GRID1: variants seen among roughly 807,000 people sequenced by gnomAD.
GRID1 encodes glutamate ionotropic receptor delta type subunit 1, also known as glutamate receptor ionotropic, delta-1.
GRID1 carries 28 observed loss-of-function variants against 98.0 expected under a neutral mutation model. The observed-to-expected ratio is 0.29, with a 90% CI of 0.21 to 0.39. The LOEUF is 0.39. Ranked by LOEUF, GRID1 falls within the 10% of genes least tolerant of loss-of-function variation. GRID1 has a pLI of 1.00. For missense variants in GRID1, 1,111 were observed against 1,340.5 expected, an observed-to-expected ratio of 0.83 and a Z score of 2.67; for synonymous variants, 553 against 538.5, an observed-to-expected ratio of 1.03 and a Z score of -0.37.
intron 4 of GRID1, among the ~76,000 whole-genome samples, chr10:85,932,532 A>C (rs1345689722): frequency 6.6e-6 from 1 of 152,130 alleles, no homozygotes; most frequent in Admixed American, 6.6e-5. Context: ...TTTTCCAAAA[A>C]CTGGCCCCAA....
chr10:85,724,509 G>T lies in GRID1; in HGVS notation c.1701C>A (p.Ala567=), dbSNP rs61742018. The stretch of plus-strand genomic sequence containing the variant: ...CCACAGGGATGGCTGCTGCAATGCA[G>T]GCCCACACAGCGAAATCAAATGGAG... ...LFAPFDFAVW[A]CIAAAIPVVG... is the part of the protein sequence containing the mutation. The change falls in exon 11 of 16, where the codon GCC becomes GCA. Residue 567 remains alanine, a synonymous_variant. Transcript: ENST00000327946. 1 of 1,614,082 alleles carries T rather than the reference G, an allele frequency of 6.2e-7. No individual in the cohort carries two copies. Among genetic ancestry groups the T allele is most frequent in the Non-Finnish European group, 8.5e-7 (1 of 1,180,018 alleles).
chr10:86,366,389 C>T lies in GRID1; in HGVS notation c.4G>A (p.Glu2Lys), dbSNP rs773228447. The T allele has an allele frequency of 2.7e-6, 4 of 1,503,292 alleles. No individual in the cohort carries two copies. Among genetic ancestry groups the T allele is most frequent in the East Asian group, 5.5e-5 (2 of 36,158 alleles). 93.1% of individuals were successfully genotyped at this position (1,503,292 alleles called of 1,614,324 possible). A position where few individuals can be genotyped will look rare whatever the true frequency, so the allele number is the denominator to read the frequency against. Reference protein sequence around the residue: MEALTLWLLPWI... With the variant: MKALTLWLLPWI... ...GGGAGAAGCCACAGCGTCAGCGCTT[C>T]CATGTCCCCCGGGCGCGCGGCTCAT... is the stretch of plus-strand genomic sequence containing the variant. The change falls in exon 1 of 16, where the codon GAA becomes AAA. Residue 2 changes from glutamate to lysine, a missense_variant. Physicochemically the swap from Glu to Lys is moderately conservative, Grantham distance 56. Transcript: ENST00000327946. This position sits in a 1 kb window ranked among gnomAD's most constrained non-coding sequence, Gnocchi z 4.1.
At chr10:85,850,303 C>T (rs1310957910) in intron 8 of GRID1, among the ~76,000 whole-genome samples, 1 of 152,188 alleles carries the variant, frequency 6.6e-6, no homozygotes, top group Admixed American at 6.5e-5. Context: ...ATAACTAGTG[C>T]TCCTATCCAG....
chr10:85,877,710 G>A (rs1388965613), intron 5 of GRID1, among the ~76,000 whole-genome samples: 1 of 152,232 alleles, frequency 6.6e-6, no homozygotes, highest in Non-Finnish European at 1.5e-5. Context: ...AAAAAGCAGA[G>A]CACCTCTCCT....
In GRID1 at chr10:86,206,324, T is replaced by C; in HGVS notation, c.520+40A>G. The C allele has an allele frequency of 6.4e-7, 1 of 1,558,820 alleles. No individual in the cohort carries two copies. Among genetic ancestry groups the C allele is most frequent in the South Asian group, 1.2e-5 (1 of 81,636 alleles). Reference sequence around the variant, plus strand: ...AGGTCTCCCAGCATCTGGCCATCCCTGTCCCCAAGCAGCCCCAGCTCGCCT... The same window carrying C: ...AGGTCTCCCAGCATCTGGCCATCCCCGTCCCCAAGCAGCCCCAGCTCGCCT... On this transcript the variant is annotated intron_variant, in intron 3 of 15. Transcript: ENST00000327946. The surrounding 1 kb of genome is among the most constrained non-coding windows in gnomAD (Gnocchi z 4.1).
chr10:86,358,486 C>T (rs187240247), intron 2 of GRID1, among the ~76,000 whole-genome samples: 24 of 152,120 alleles, frequency 1.6e-4, no homozygotes, highest in African/African-American at 5.8e-4. Context: ...GGGCCGGGCA[C>T]GGTGGCTCAC....
At chr10:85,962,136 T>G (rs1842276202) in intron 4 of GRID1, among the ~76,000 whole-genome samples, 1 of 152,160 alleles carries the variant, frequency 6.6e-6, no homozygotes. Flanking sequence ...TCAGGCCTCC[T>G]CACTGGTCTG....
chr10:85,680,924 A>G (rs2132596423), intron 12 of GRID1, among the ~76,000 whole-genome samples: 1 of 152,278 alleles, frequency 6.6e-6, no homozygotes, highest in Middle Eastern at 3.4e-3. Context: ...TACAAGTGAG[A>G]GCTAAATAGT....
intron 6 of GRID1, among the ~76,000 whole-genome samples, chr10:85,868,414 C>A (rs892964022): frequency 6.6e-5 from 10 of 152,184 alleles, no homozygotes; most frequent in African/African-American, 2.4e-4. Flanking sequence ...CTAGTGCCGA[C>A]TGCACATACT....
At chr10:86,058,220 C>T (rs770038136) in intron 4 of GRID1, among the ~76,000 whole-genome samples, 3 of 152,130 alleles carry the variant, frequency 2.0e-5, no homozygotes, top group Non-Finnish European at 4.4e-5. Flanking sequence ...AAGCAAGAGG[C>T]TGGATGGAAC....
At chr10:86,089,836 T>A (rs1311685446) in intron 4 of GRID1, among the ~76,000 whole-genome samples, 1 of 151,788 alleles carries the variant, frequency 6.6e-6, no homozygotes, top group Non-Finnish European at 1.5e-5. Context: ...AACCTCCACC[T>A]CCCAGGTTCA....
intron 2 of GRID1, among the ~76,000 whole-genome samples, chr10:86,342,476 C>T (rs1267254124): frequency 6.6e-6 from 1 of 152,254 alleles, no homozygotes; most frequent in East Asian, 1.9e-4. Context: ...CCTCAGAAGT[C>T]TTTTGGGCAA....
rs202246320 is a variant in GRID1 at position 85,869,124 on chromosome 10, G to A, written c.837C>T (p.Thr279=). The part of the protein sequence containing the change: ...DLVHSALGRM[T]VVRQIFPSAK... ...CAGACGGAAAGATTTGCCGGACCAC[G>A]GTCATCCTTCCAAGGGCACTATGGA... The change falls in exon 6 of 16, where the codon ACC becomes ACT. Residue 279 remains threonine (T), a synonymous_variant. Coordinates refer to ENST00000327946, the MANE Select transcript of GRID1 (RefSeq NM_017551.3). The A allele has an allele frequency of 4.6e-5, 74 of 1,613,828 alleles. No homozygotes were observed. The East Asian group carries it at 1.3e-3, about 29-fold the overall frequency.
At chr10:85,943,177 A>C (rs1440911291) in intron 4 of GRID1, among the ~76,000 whole-genome samples, 1 of 152,198 alleles carries the variant, frequency 6.6e-6, no homozygotes, top group Non-Finnish European at 1.5e-5. Flanking sequence ...GTTATGTCAA[A>C]GGATATTGCC....
chr10:86,136,430 G>A (rs1393736790), intron 4 of GRID1, among the ~76,000 whole-genome samples: 4 of 152,198 alleles, frequency 2.6e-5, no homozygotes, highest in Non-Finnish European at 1.5e-5. Flanking sequence ...TGATATTCCT[G>A]GAATCATCAC....
chr10:86,315,612 C>T (rs1479100424), intron 2 of GRID1, among the ~76,000 whole-genome samples: 1 of 152,148 alleles, frequency 6.6e-6, no homozygotes, highest in African/African-American at 2.4e-5. Context: ...CTCCTTCCAG[C>T]CACATTAACC....
intron 4 of GRID1, among the ~76,000 whole-genome samples, chr10:85,940,233 G>A (rs78757255): frequency 0.015 from 2,297 of 152,176 alleles, 32 homozygotes; most frequent in Non-Finnish European, 0.024. Context: ...CTCTCCAGTT[G>A]GTTCAGTCCC....
chr10:85,807,967 A>C (rs1275539483), intron 8 of GRID1, among the ~76,000 whole-genome samples: 3 of 152,186 alleles, frequency 2.0e-5, no homozygotes, highest in South Asian at 2.1e-4. Flanking sequence ...TGTTGAGTTT[A>C]AAAGTAAAGC....
At chr10:85,919,831 T>A (rs919808754) in intron 4 of GRID1, among the ~76,000 whole-genome samples, 3 of 152,168 alleles carry the variant, frequency 2.0e-5, no homozygotes, top group Non-Finnish European at 4.4e-5. Flanking sequence ...TCCACACCCA[T>A]AAGGCTTTTG....
Sources: allele counts gnomAD v4.1 joint callset (sites outside exome capture counted in the v4.1 genomes callset), GRCh38; gene constraint gnomAD v4.1.1; non-coding constraint Gnocchi (gnomAD v3.1); transcripts MANE v1.5; gene names NCBI Gene and HGNC (gene_info 2026-07-23, HGNC 2026-07-21).